Variants in DOCK9 observed in about 807,000 individuals in gnomAD.
The protein encoded by DOCK9 is dedicator of cytokinesis 9, also known as dedicator of cytokinesis protein 9.
In DOCK9, 89 loss-of-function variants were observed where a neutral mutation model predicts 263.3. The ratio of observed to expected loss-of-function variants is 0.34; its 90% confidence interval spans 0.28 to 0.40. DOCK9 has a LOEUF of 0.40. Ranked by LOEUF, DOCK9 falls within the 10% of genes least tolerant of loss-of-function variation. DOCK9 has a pLI of 1.00. For missense variants in DOCK9, 2,140 were observed against 2,603.4 expected, an observed-to-expected ratio of 0.82 and a Z score of 3.87; for synonymous variants, 976 against 973.1, an observed-to-expected ratio of 1.00 and a Z score of -0.06.
intron 1 of DOCK9, among the ~76,000 whole-genome samples, chr13:99,054,401 C>T (rs1332654578): frequency 5.3e-5 from 8 of 152,156 alleles, no homozygotes; most frequent in African/African-American, 1.7e-4. Flanking sequence ...TTTGTACATC[C>T]TAACAACCAG....
upstream of DOCK9, chr13:99,086,757 A>G (rs2042356479): frequency 6.9e-6 from 1 of 145,736 alleles, no homozygotes. Context: ...CCGCGGCGGG[A>G]CGGCGGGCCA....
chr13:98,885,491 G>T, intron 20 of DOCK9: 2 of 498,718 alleles, frequency 4.0e-6, no homozygotes, highest in Non-Finnish European at 6.9e-6. Flanking sequence ...TGTAGTCCCA[G>T]CTATTCAGGA....
Position 98,830,219 on chromosome 13 carries a change from A to G in DOCK9, c.4636-463T>C, listed in dbSNP as rs147652920. On this transcript the variant is annotated intron_variant, in intron 41 of 52. Coordinates refer to ENST00000682017, the MANE Select transcript of DOCK9 (RefSeq NM_001366683.2). ...GGGGGCTCTGTCTTTTTTTGGCTCA[A>G]TGAATAGCACTGCCTTTACCCAGTT... 2.9e-3 allele frequency among the ~76,000 whole-genome samples: 442 copies of G among 152,318 alleles called. 3 individuals are homozygous for G. Among genetic ancestry groups the G allele is most frequent in the African/African-American group, 9.8e-3 (409 of 41,576 alleles).
At chr13:98,952,220 C>T (rs2057519887) in intron 2 of DOCK9, among the ~76,000 whole-genome samples, 1 of 151,380 alleles carries the variant, frequency 6.6e-6, no homozygotes, top group African/African-American at 2.4e-5. Flanking sequence ...AACCTGATGG[C>T]TGGGAACTAT....
At chr13:99,087,297 T>C (rs2042370458), upstream of DOCK9, among the ~76,000 whole-genome samples, 1 of 152,052 alleles carries the variant, frequency 6.6e-6, no homozygotes, top group Admixed American at 6.5e-5. Flanking sequence ...ACTCCCAGAC[T>C]CCGGCCCGCC....
At chr13:98,848,462 G>T in intron 37 of DOCK9, 130 bp downstream of exon 37, 1 of 893,418 alleles carries the variant, frequency 1.1e-6, no homozygotes. Context: ...CAATCCAAGG[G>T]CCTGCCATCA....
chr13:98,961,674 C>A (rs867054846), intron 1 of DOCK9, among the ~76,000 whole-genome samples: 1 of 151,768 alleles, frequency 6.6e-6, no homozygotes, highest in African/African-American at 2.4e-5. Flanking sequence ...ACTATCAGTG[C>A]CTCAGGGCAG....
chr13:98,968,780 A>G (rs1347933969), intron 1 of DOCK9, among the ~76,000 whole-genome samples: 1 of 152,212 alleles, frequency 6.6e-6, no homozygotes. Context: ...TGGGCAGACA[A>G]TAGTTTGGAA....
chr13:98,984,872 T>G (rs1023680395), intron 1 of DOCK9, among the ~76,000 whole-genome samples: 3 of 152,152 alleles, frequency 2.0e-5, no homozygotes, highest in Admixed American at 2.0e-4. Flanking sequence ...ATTGATAATA[T>G]CTGGGGAAAA....
chr13:98,851,128 T>C (rs1031107098), intron 35 of DOCK9, among the ~76,000 whole-genome samples: 23 of 152,192 alleles, frequency 1.5e-4, no homozygotes, highest in Admixed American at 4.6e-4. Flanking sequence ...CAATTTCACA[T>C]AGATTGTGCC....
chr13:98,830,925 A>C (rs1594445933), intron 41 of DOCK9, among the ~76,000 whole-genome samples: 1 of 152,150 alleles, frequency 6.6e-6, no homozygotes, highest in African/African-American at 2.4e-5. Context: ...TTTGGTCATT[A>C]TCTTGGCTGG....
intron 3 of DOCK9, 99 bp downstream of exon 3, chr13:98,930,069 C>A (rs2053656579): frequency 9.5e-7 from 1 of 1,057,274 alleles, no homozygotes; most frequent in South Asian, 1.4e-5. Flanking sequence ...ATACAATTAC[C>A]CTTTTGACAC....
At chr13:98,821,212 T>C (rs538519790) in intron 45 of DOCK9, among the ~76,000 whole-genome samples, 148 of 152,302 alleles carry the variant, frequency 9.7e-4, no homozygotes, top group African/African-American at 3.3e-3. Context: ...ACTTCCTGTC[T>C]GGTTGCTGTT....
At chr13:98,859,753 G>GTGTATATATATATATA (rs780605483) in intron 33 of DOCK9, 1 of 132,488 alleles carries the variant, frequency 7.5e-6, no homozygotes, top group South Asian at 2.6e-4. Flanking sequence ...GTGTGTGTGT[G>GTGTATATATATATATA]TATATATATA....
At position 98,914,009 on chromosome 13, in the gene DOCK9, T is replaced by C. The variant is rs570511179; in HGVS notation, c.960+319A>G. Among the ~76,000 whole-genome samples the C allele has an allele frequency of 3.9e-5, 6 of 152,270 alleles. No individual in the cohort carries two copies. In the South Asian group the frequency reaches 1.2e-3, roughly 32 times the overall value. On this transcript the variant is annotated intron_variant, in intron 9 of 52. Coordinates refer to ENST00000682017, the MANE Select transcript of DOCK9 (RefSeq NM_001366683.2). ...AGAGCACATGTATCAACATAGAAAG[T>C]ACGATGCTATTATGAGAACATCTGC...
chr13:98,960,540 C>T (rs568724705), intron 1 of DOCK9, among the ~76,000 whole-genome samples: 2 of 152,232 alleles, frequency 1.3e-5, no homozygotes, highest in African/African-American at 4.8e-5. Flanking sequence ...AGGGAGAGGG[C>T]GTACTTTCAG....
intron 49 of DOCK9, among the ~76,000 whole-genome samples, chr13:98,801,179 C>T (rs1483824090): frequency 6.6e-6 from 1 of 152,130 alleles, no homozygotes; most frequent in African/African-American, 2.4e-5. Flanking sequence ...GTCCCAGCTA[C>T]TGGGGAGGCT....
intron 2 of DOCK9, among the ~76,000 whole-genome samples, chr13:98,948,929 C>T (rs1477152532): frequency 6.6e-6 from 1 of 152,196 alleles, no homozygotes; most frequent in Non-Finnish European, 1.5e-5. Flanking sequence ...GTAAACACCA[C>T]ATTTTCTTTC....
At chr13:99,074,861 G>C (rs2041846584) in intron 1 of DOCK9, among the ~76,000 whole-genome samples, 1 of 152,186 alleles carries the variant, frequency 6.6e-6, no homozygotes, top group African/African-American at 2.4e-5. Context: ...GTCAGCACTG[G>C]AAAGAGGAAC....
Sources: gnomAD v4.1 joint callset for allele counts (sites outside exome capture counted in the v4.1 genomes callset) on GRCh38, gnomAD v4.1.1 for gene constraint, MANE v1.5 for transcripts, NCBI Gene and HGNC (gene_info 2026-07-23, HGNC 2026-07-21) for gene names.